The following CRACD variants were observed in gnomAD, a reference collection of about 807,000 sequenced individuals.
CRACD encodes the protein capping protein-inhibiting regulator of actin dynamics.
A neutral mutation model predicts 106.8 loss-of-function variants in CRACD; 56 were observed. That is an observed-to-expected ratio of 0.52 (90% confidence interval 0.42 to 0.66). The LOEUF is 0.66. Among genes scored for constraint, CRACD ranks in the 30% least tolerant of loss-of-function variants. The pLI is 0.00. For missense variants in CRACD, 1,730 were observed against 1,623.2 expected, an observed-to-expected ratio of 1.07 and a Z score of -1.13; for synonymous variants, 754 against 670.8, an observed-to-expected ratio of 1.12 and a Z score of -1.92.
intron 1 of CRACD, among the ~76,000 whole-genome samples, chr4:56,133,269 T>C (rs1464165011): frequency 6.6e-6 from 1 of 152,204 alleles, no homozygotes; most frequent in African/African-American, 2.4e-5. Flanking sequence ...TAGTAATATA[T>C]AGATGTGAAA....
At chr4:56,053,554 A>G (rs577109302) in intron 1 of CRACD, among the ~76,000 whole-genome samples, 45 of 152,260 alleles carry the variant, frequency 3.0e-4, no homozygotes, top group South Asian at 8.3e-4. Context: ...TAAAACACCT[A>G]TGGTGTCTGG....
intron 1 of CRACD, among the ~76,000 whole-genome samples, chr4:56,128,454 G>T (rs192282621): frequency 1.3e-3 from 204 of 152,250 alleles, no homozygotes; most frequent in African/African-American, 4.9e-3. Flanking sequence ...TTGTGTTATA[G>T]TTAATTTGTG....
At chr4:56,127,476 A>C (rs1734696959) in intron 1 of CRACD, among the ~76,000 whole-genome samples, 1 of 152,294 alleles carries the variant, frequency 6.6e-6, no homozygotes, top group Non-Finnish European at 1.5e-5. Flanking sequence ...TTTCCAGTTT[A>C]AAAAGGATAA....
chr4:56,072,085 G>A (rs559218665), intron 1 of CRACD, among the ~76,000 whole-genome samples: 19 of 144,932 alleles, frequency 1.3e-4, no homozygotes, highest in Non-Finnish European at 1.9e-4. Context: ...CCGAGATCGC[G>A]CCACTGCACT....
rs1468978658 is a variant in CRACD at position 56,315,859 on chromosome 4, C to A, written c.2357C>A (p.Thr786Asn). ...ATGCACCGGGAGCCCGCAGACACCACCGAGGGATGCAAATTTGCCAAAGAC... is the reference window on the plus strand; with the variant it reads ...ATGCACCGGGAGCCCGCAGACACCAACGAGGGATGCAAATTTGCCAAAGAC... The part of the protein sequence containing the change: ...SEMHREPADT[T>N]EGCKFAKDLP... Residue 786 changes from threonine (T) to asparagine (N), a missense_variant, in exon 8 of 11, where the codon ACC (threonine) becomes AAC (asparagine). Around this residue, in one of 5 missense-constraint regions of CRACD, gnomAD observed 1,620 missense variants for 1,481.6 expected, o/e 1.09. Coordinates refer to ENST00000682029, the MANE Select transcript of CRACD (RefSeq NM_001393381.1). This position sits in a 1 kb window ranked among gnomAD's most constrained non-coding sequence, Gnocchi z 4.1. The A allele has an allele frequency of 6.2e-7, 1 of 1,614,098 alleles. No individual in the cohort carries two copies. The highest frequency in any genetic ancestry group is 1.3e-5 in the African/African-American group (1 of 74,942).
intron 2 of CRACD, among the ~76,000 whole-genome samples, chr4:56,258,084 A>G (rs1281509718): frequency 1.3e-5 from 2 of 151,220 alleles, no homozygotes; most frequent in East Asian, 3.9e-4. Context: ...AAAAAACAAA[A>G]AAAAAAAAGA....
chr4:56,196,290 C>G (rs1737606304), intron 2 of CRACD: 1 of 152,776 alleles, frequency 6.5e-6, no homozygotes, highest in African/African-American at 2.4e-5. Flanking sequence ...ACTCCCCCTG[C>G]CAATTTCATA....
At chr4:56,175,162 T>A (rs1736531470) in intron 1 of CRACD, among the ~76,000 whole-genome samples, 1 of 152,158 alleles carries the variant, frequency 6.6e-6, no homozygotes, top group South Asian at 2.1e-4. Flanking sequence ...GATACACTGA[T>A]GTTCTTTTGG....
At chr4:56,262,253 G>A (rs114752737) in intron 2 of CRACD, among the ~76,000 whole-genome samples, 236 of 152,316 alleles carry the variant, frequency 1.5e-3, no homozygotes, top group African/African-American at 5.4e-3. Flanking sequence ...GTAACACTGC[G>A]TGTTGATGGG....
At position 56,315,082 on chromosome 4, in the gene CRACD, T is replaced by A; in HGVS notation, c.1580T>A (p.Val527Glu). The A allele has an allele frequency of 6.2e-7, 1 of 1,609,948 alleles. No individual in the cohort carries two copies. The highest frequency in any genetic ancestry group is 1.3e-5 in the African/African-American group (1 of 74,794). Reference sequence around the variant, plus strand: ...GTGGAGGAGCTGCGGTGGCAGGAGGTGGACGAGAGACAGACCATGCCCCGG... The same window carrying A: ...GTGGAGGAGCTGCGGTGGCAGGAGGAGGACGAGAGACAGACCATGCCCCGG... ...RKVEELRWQE[V>E]DERQTMPRPY... Residue 527 changes from valine to glutamate, a missense_variant, in exon 8 of 11, where the codon GTG becomes GAG. By Grantham distance (121) the Val-to-Glu change is moderately radical. Transcript: ENST00000682029. This position sits in a 1 kb window ranked among gnomAD's most constrained non-coding sequence, Gnocchi z 4.1.
intron 2 of CRACD, among the ~76,000 whole-genome samples, chr4:56,197,304 A>C (rs1367347581): frequency 1.3e-5 from 2 of 152,054 alleles, no homozygotes; most frequent in East Asian, 3.9e-4. Flanking sequence ...CTTGCCAGTT[A>C]ATTTCCTCTG....
intron 2 of CRACD, among the ~76,000 whole-genome samples, chr4:56,268,066 A>G (rs945760864): frequency 1.3e-5 from 2 of 152,222 alleles, no homozygotes; most frequent in Non-Finnish European, 2.9e-5. Flanking sequence ...AATAATTTAT[A>G]TAGTAGATGT....
intron 1 of CRACD, among the ~76,000 whole-genome samples, chr4:56,091,727 C>T (rs1002674861): frequency 2.6e-4 from 39 of 151,980 alleles, no homozygotes; most frequent in African/African-American, 8.7e-4. Context: ...CTTTGGTGGG[C>T]GAGTCTGGGA....
rs151062883 is a variant in CRACD at position 56,105,115 on chromosome 4, T to C, written c.-336+55816T>C. ...ACAGTAATTAAAAGCGTCCAGTTAC[T>C]TCCAATTCTGAGTAAAAATAACAGA... On this transcript the variant is annotated intron_variant, in intron 1 of 10. Transcript: ENST00000682029. 3.7e-3 allele frequency among the ~76,000 whole-genome samples: 566 copies of C among 152,346 alleles called. 5 individuals carry two copies. Among genetic ancestry groups the C allele is most frequent in the African/African-American group, 0.013 (542 of 41,570 alleles).
chr4:56,156,472 A>G (rs1735767847), intron 1 of CRACD, among the ~76,000 whole-genome samples: 1 of 152,244 alleles, frequency 6.6e-6, no homozygotes, highest in African/African-American at 2.4e-5. Context: ...CTGAATAATG[A>G]GAATCAGAAT....
At chr4:56,056,420 A>C (rs915812450) in intron 1 of CRACD, among the ~76,000 whole-genome samples, 5 of 152,110 alleles carry the variant, frequency 3.3e-5, no homozygotes, top group African/African-American at 1.2e-4. Context: ...GTGCTGCCCT[A>C]TACGGTCCTG....
intron 1 of CRACD, among the ~76,000 whole-genome samples, chr4:56,112,182 G>A (rs550443005): frequency 3.0e-4 from 45 of 152,296 alleles, no homozygotes; most frequent in African/African-American, 1.1e-3. Context: ...AATTCTGCTT[G>A]CTTCGTGCAA....
At chr4:56,267,591 T>A (rs1742098110) in intron 2 of CRACD, among the ~76,000 whole-genome samples, 1 of 152,130 alleles carries the variant, frequency 6.6e-6, no homozygotes, top group Non-Finnish European at 1.5e-5. Context: ...TGAAGGGAAA[T>A]TGGTGTTTGT....
chr4:56,168,982 A>C (rs1280179819), intron 1 of CRACD, among the ~76,000 whole-genome samples: 1 of 152,180 alleles, frequency 6.6e-6, no homozygotes, highest in Admixed American at 6.6e-5. Flanking sequence ...TCACAAGCCA[A>C]TATATTAAAC....
Sources: allele counts gnomAD v4.1 joint callset (sites outside exome capture counted in the v4.1 genomes callset), GRCh38; gene constraint gnomAD v4.1.1; regional missense constraint gnomAD v4.1.1; non-coding constraint Gnocchi (gnomAD v3.1); transcripts MANE v1.5; gene names NCBI Gene and HGNC (gene_info 2026-07-23, HGNC 2026-07-21).